The following PRRC1 variants were observed in gnomAD, a reference collection of about 807,000 sequenced individuals.
PRRC1 encodes the protein proline rich coiled-coil 1, also known as protein PRRC1.
In PRRC1, 39 loss-of-function variants were observed where a neutral mutation model predicts 40.7. The observed-to-expected ratio is 0.96, with a 90% CI of 0.74 to 1.25. PRRC1 has a LOEUF of 1.25. Ranked by LOEUF, PRRC1 falls within the 50% of genes most tolerant of loss-of-function variation. The pLI is 0.00. For missense variants in PRRC1, 573 were observed against 548.3 expected, an observed-to-expected ratio of 1.05 and a Z score of -0.45; for synonymous variants, 175 against 193.3, an observed-to-expected ratio of 0.91 and a Z score of 0.79.
In PRRC1 at chr5:127,552,583, T is replaced by C; in HGVS notation, c.*667T>C. The C allele has an allele frequency of 1.0e-6, 1 of 984,382 alleles. No individual in the cohort carries two copies. The highest frequency in any genetic ancestry group is 1.2e-6 in the Non-Finnish European group (1 of 828,538). 61.0% of individuals were successfully genotyped at this position (984,382 alleles called of 1,614,324 possible). ...CTTTTGGCATTTCCCAGATTTATAC[T>C]ATGAACATTGGGGTAATACATTTTA... On this transcript the variant is annotated 3_prime_UTR_variant, in exon 9 of 9. Coordinates refer to ENST00000296666, the MANE Select transcript of PRRC1 (RefSeq NM_130809.5).
chr5:127,554,966 G>T lies in PRRC1; in HGVS notation c.*3050G>T, dbSNP rs1251402038. 1.3e-5 allele frequency: 2 copies of T among 152,564 alleles called. No individual in the cohort carries two copies. Among genetic ancestry groups the T allele is most frequent in the Admixed American group, 1.3e-4 (2 of 15,262 alleles). The allele number at this position is 152,564 out of a possible 1,614,324, so 9.5% of individuals were successfully genotyped here. A position where few individuals can be genotyped will look rare whatever the true frequency, so the allele number is the denominator to read the frequency against. On this transcript the variant is annotated 3_prime_UTR_variant, in exon 9 of 9. Transcript: ENST00000296666. ...TATACATAAATTATTAAGAAATATG[G>T]ATTTTTATTCCCAGGATATGGTGTT...
chr5:127,532,146 A>G (rs1767791292), intron 5 of PRRC1, among the ~76,000 whole-genome samples: 1 of 148,100 alleles, frequency 6.8e-6, no homozygotes, highest in African/African-American at 2.5e-5. Flanking sequence ...GTCTCACTCT[A>G]CCGCCAGGCT....
At chr5:127,520,605 A>G (rs1328932324) in intron 1 of PRRC1, among the ~76,000 whole-genome samples, 2 of 152,244 alleles carry the variant, frequency 1.3e-5, no homozygotes, top group Non-Finnish European at 2.9e-5. Context: ...CATTCATGGA[A>G]CGAGAAAGTG....
Position 127,553,914 on chromosome 5 carries a change from T to G in PRRC1, c.*1998T>G. The G allele has an allele frequency of 1.3e-6, 2 of 1,534,892 alleles. No homozygotes were observed. Among genetic ancestry groups the G allele is most frequent in the Non-Finnish European group, 1.7e-6 (2 of 1,146,190 alleles). ...TCCTGCTCGGAACCGTGTGAGTGGG[T>G]GAGGAAGATGAGAGATGGTCAGATG... On this transcript the variant is annotated 3_prime_UTR_variant, in exon 9 of 9. Coordinates refer to ENST00000296666, the MANE Select transcript of PRRC1 (RefSeq NM_130809.5).
At chr5:127,529,880 T>A (rs1047230163) in intron 4 of PRRC1, among the ~76,000 whole-genome samples, 2 of 152,136 alleles carry the variant, frequency 1.3e-5, no homozygotes, top group South Asian at 4.1e-4. Flanking sequence ...TTATTTTTTT[T>A]ATTAGGGAAC....
intron 4 of PRRC1, 144 bp from the exon 5 acceptor site, chr5:127,530,150 G>T (rs1435285683): frequency 1.6e-6 from 1 of 618,730 alleles, no homozygotes; most frequent in African/African-American, 1.9e-5. Flanking sequence ...ATAGCAATTT[G>T]ATATTGTCAT....
At chr5:127,539,558 T>A (rs1767984615) in intron 7 of PRRC1, among the ~76,000 whole-genome samples, 1 of 152,052 alleles carries the variant, frequency 6.6e-6, no homozygotes, top group Non-Finnish European at 1.5e-5. Context: ...CCTGTACTCA[T>A]AATAGTTTAG....
chr5:127,524,335 T>C (rs998817580), intron 2 of PRRC1, among the ~76,000 whole-genome samples, 196 bp from the exon 3 acceptor site: 2 of 152,176 alleles, frequency 1.3e-5, no homozygotes, highest in African/African-American at 2.4e-5. Context: ...CAGCTGCTTC[T>C]TTTACTTATG....
Position 127,526,631 on chromosome 5 carries a change from TC to T in PRRC1, c.509del (p.Pro170LeufsTer8). 1.2e-6 allele frequency: 2 copies of T among 1,607,676 alleles called. No homozygotes were observed. The highest frequency in any genetic ancestry group is 3.3e-4 in the Middle Eastern group (2 of 6,032). On this transcript the variant is annotated frameshift_variant, in exon 4 of 9. Coordinates refer to ENST00000296666, the MANE Select transcript of PRRC1 (RefSeq NM_130809.5). LOFTEE classifies it high-confidence loss of function. ...APSGTGLLPTPITQQASLTSL... is the reference protein window; with the variant it reads ...APSGTGLLPTXITQQASLTSL... ...GCCATTGATTAGGTCTTTTGCCAAC[TC>T]CTATTACTCAGCAAGCCAGTTTGAC...
chr5:127,553,631 C>T lies in PRRC1; in HGVS notation c.*1715C>T. ...CATTACAGACTGAAGGGAAGCATGT[C>T]CTTACTTAAAATAGTTCTGCTACTT... On this transcript the variant is annotated 3_prime_UTR_variant, in exon 9 of 9. Transcript: ENST00000296666. The T allele has an allele frequency of 7.1e-7, 1 of 1,398,686 alleles. No homozygotes were observed. The allele number at this position is 1,398,686 out of a possible 1,614,324, so 86.6% of individuals were successfully genotyped here. A position where few individuals can be genotyped will look rare whatever the true frequency, so the allele number is the denominator to read the frequency against.
In PRRC1 at chr5:127,539,052, C is replaced by G. The variant is rs145201631; in HGVS notation, c.934C>G (p.Arg312Gly). 6.2e-7 allele frequency: 1 copy of G among 1,612,404 alleles called. No individual in the cohort carries two copies. The highest frequency in any genetic ancestry group is 8.5e-7 in the Non-Finnish European group (1 of 1,178,710). Residue 312 changes from arginine to glycine, a missense_variant, in exon 7 of 9, where the codon CGG becomes GGG. Transcript: ENST00000296666. ...CATTGTTGTTTAGGGTGCTCAGGAA[C>G]GGATAGATAGCTTGCGTCGAACTGG... The part of the protein sequence containing the change: ...YAAGLKGAQE[R>G]IDSLRRTGVI...
At position 127,554,510 on chromosome 5, in the gene PRRC1, T is replaced by C. The variant is rs887182488; in HGVS notation, c.*2594T>C. On this transcript the variant is annotated 3_prime_UTR_variant, in exon 9 of 9. Coordinates refer to ENST00000296666, the MANE Select transcript of PRRC1 (RefSeq NM_130809.5). ...AGAATGCAGGAAAAATAATTTAATA[T>C]CAACCTCAGTTGACAAGGTGCTCAG... is the stretch of plus-strand genomic sequence containing the variant. 2 of 148,954 alleles carry C rather than the reference T, an allele frequency of 1.3e-5. No homozygotes were observed. Among genetic ancestry groups the C allele is most frequent in the Non-Finnish European group, 3.0e-5 (2 of 67,012 alleles). 9.2% of individuals were successfully genotyped at this position (148,954 alleles called of 1,614,324 possible). A position where few individuals can be genotyped will look rare whatever the true frequency, so the allele number is the denominator to read the frequency against.
chr5:127,526,945 A>G (rs375001189), intron 4 of PRRC1, among the ~76,000 whole-genome samples, 167 bp downstream of exon 4: 1 of 152,210 alleles, frequency 6.6e-6, no homozygotes, highest in Admixed American at 6.5e-5. Flanking sequence ...TATCTGTGTA[A>G]ACGTTCCTTT....
At chr5:127,550,681 A>G (rs1346209661) in intron 8 of PRRC1, 2 of 152,224 alleles carry the variant, frequency 1.3e-5, no homozygotes, top group Non-Finnish European at 2.9e-5. Context: ...CAGGGGATTC[A>G]TAGGCATGCC....
chr5:127,554,996 TTA>T lies in PRRC1; in HGVS notation c.*3082_*3083del, dbSNP rs1305252390. The T allele has an allele frequency of 1.3e-5, 2 of 152,650 alleles. No individual in the cohort carries two copies. Among genetic ancestry groups the T allele is most frequent in the Non-Finnish European group, 2.9e-5 (2 of 68,022 alleles). The allele number at this position is 152,650 out of a possible 1,614,324, so 9.5% of individuals were successfully genotyped here. A position where few individuals can be genotyped will look rare whatever the true frequency, so the allele number is the denominator to read the frequency against. On this transcript the variant is annotated 3_prime_UTR_variant, in exon 9 of 9. Coordinates refer to ENST00000296666, the MANE Select transcript of PRRC1 (RefSeq NM_130809.5). Reference sequence around the variant, plus strand: ...TTATTCCCAGGATATGGTGTTCATTTTATGATATTACGCAGGATGATGTATTG... The same window carrying T: ...TTATTCCCAGGATATGGTGTTCATTTTGATATTACGCAGGATGATGTATTG...
chr5:127,523,687 T>A (rs1767527112), intron 2 of PRRC1, 105 bp downstream of exon 2: 1 of 546,040 alleles, frequency 1.8e-6, no homozygotes, highest in Non-Finnish European at 3.0e-6. Context: ...AAAACTTCTC[T>A]ATTATTTTTC....
intron 8 of PRRC1, 58 bp downstream of exon 8, chr5:127,547,979 C>G: frequency 1.8e-6 from 2 of 1,117,912 alleles, no homozygotes; most frequent in Non-Finnish European, 1.4e-6. Context: ...CTATTGTTTT[C>G]AGAATAAAAA....
At chr5:127,522,883 A>T (rs904894292) in intron 1 of PRRC1, among the ~76,000 whole-genome samples, 5 of 152,212 alleles carry the variant, frequency 3.3e-5, no homozygotes, top group South Asian at 2.1e-4. Context: ...GCATCTTCTC[A>T]TCACAGCCTC....
In PRRC1 at chr5:127,553,647, T is replaced by C. The variant is rs1768449574; in HGVS notation, c.*1731T>C. 7.0e-7 allele frequency: 1 copy of C among 1,427,070 alleles called. No homozygotes were observed. The highest frequency in any genetic ancestry group is 1.4e-5 in the South Asian group (1 of 69,338). The allele number at this position is 1,427,070 out of a possible 1,614,324, so 88.4% of individuals were successfully genotyped here. A position where few individuals can be genotyped will look rare whatever the true frequency, so the allele number is the denominator to read the frequency against. Reference sequence around the variant, plus strand: ...GAAGCATGTCCTTACTTAAAATAGTTCTGCTACTTTCCCTCCTATTATAAG... The same window carrying C: ...GAAGCATGTCCTTACTTAAAATAGTCCTGCTACTTTCCCTCCTATTATAAG... On this transcript the variant is annotated 3_prime_UTR_variant, in exon 9 of 9. Transcript: ENST00000296666.
Sources: allele counts gnomAD v4.1 joint callset (sites outside exome capture counted in the v4.1 genomes callset), GRCh38; gene constraint gnomAD v4.1.1; transcripts MANE v1.5; gene names NCBI Gene and HGNC (gene_info 2026-07-23, HGNC 2026-07-21).